The following GSK3B variants were observed in gnomAD, a reference collection of about 807,000 sequenced individuals.
The protein encoded by GSK3B is glycogen synthase kinase 3 beta, also known as glycogen synthase kinase-3 beta.
GSK3B carries 15 observed loss-of-function variants against 56.4 expected under a neutral mutation model. The observed-to-expected ratio is 0.27, with a 90% CI of 0.18 to 0.41. The LOEUF (loss-of-function observed/expected upper bound fraction) is 0.41. Ranked by LOEUF, GSK3B falls within the 10% of genes least tolerant of loss-of-function variation. The pLI, the probability that GSK3B is intolerant of heterozygous loss-of-function variation, is 1.00. For missense variants in GSK3B, 300 were observed against 513.4 expected (o/e 0.58, Z 4.02); for synonymous variants, 181 against 188.9 (o/e 0.96, Z 0.34).
intron 7 of GSK3B, among the ~76,000 whole-genome samples, chr3:119,884,212 G>A (rs1347012658): frequency 6.6e-6 from 1 of 152,152 alleles, no homozygotes; most frequent in Non-Finnish European, 1.5e-5. Context: ...TTAAACGACA[G>A]AGAAGTATCT....
intron 10 of GSK3B, among the ~76,000 whole-genome samples, chr3:119,834,531 A>C (rs2055658847): frequency 6.6e-6 from 1 of 152,162 alleles, no homozygotes; most frequent in Non-Finnish European, 1.5e-5. Context: ...GGCAGCTGAG[A>C]GGTCTCAGTT....
At chr3:119,987,420 A>C (rs1559865360) in intron 2 of GSK3B, among the ~76,000 whole-genome samples, 1 of 152,220 alleles carries the variant, frequency 6.6e-6, no homozygotes, top group African/African-American at 2.4e-5. Flanking sequence ...CTTTTCGTAA[A>C]AGGATTATAA....
chr3:120,013,573 A>C (rs2057797307), intron 1 of GSK3B, among the ~76,000 whole-genome samples: 1 of 152,220 alleles, frequency 6.6e-6, no homozygotes, highest in Non-Finnish European at 1.5e-5. Context: ...TCCACGTAGA[A>C]ATAACAGAAA....
chr3:119,930,726 A>C (rs1346328756), intron 3 of GSK3B, among the ~76,000 whole-genome samples: 1 of 152,234 alleles, frequency 6.6e-6, no homozygotes, highest in East Asian at 1.9e-4. Context: ...AACAGAACTC[A>C]AAAAGAAAAA....
At chr3:119,835,109 AT>A (rs1382862033) in intron 10 of GSK3B, among the ~76,000 whole-genome samples, 1 of 152,230 alleles carries the variant, frequency 6.6e-6, no homozygotes, top group African/African-American at 2.4e-5. Flanking sequence ...AAAGATGCAC[AT>A]ATTAATTGGC....
intron 8 of GSK3B, among the ~76,000 whole-genome samples, chr3:119,872,372 A>G (rs1690725981): frequency 6.6e-6 from 1 of 152,190 alleles, no homozygotes; most frequent in South Asian, 2.1e-4. Context: ...GTGAAGAGGC[A>G]AGCAATTAAT....
intron 2 of GSK3B, among the ~76,000 whole-genome samples, chr3:119,960,410 TA>T (rs904076839): frequency 4.2e-4 from 62 of 147,150 alleles, no homozygotes; most frequent in Admixed American, 2.0e-3. Flanking sequence ...ATGCATGTAA[TA>T]AAAAAAAAAT....
chr3:119,954,921 C>T (rs1032886779), intron 2 of GSK3B, among the ~76,000 whole-genome samples: 5 of 152,192 alleles, frequency 3.3e-5, no homozygotes, highest in East Asian at 3.9e-4. Context: ...AAACAACCAG[C>T]AAGCTTAATA....
chr3:120,011,878 T>A (rs2057781459), intron 1 of GSK3B, among the ~76,000 whole-genome samples: 1 of 152,242 alleles, frequency 6.6e-6, no homozygotes, highest in Non-Finnish European at 1.5e-5. Context: ...TAATTTATCA[T>A]AAAGCTTTAG....
At chr3:119,898,922 C>T (rs561050023) in intron 7 of GSK3B, among the ~76,000 whole-genome samples, 1 of 152,266 alleles carries the variant, frequency 6.6e-6, no homozygotes, top group South Asian at 2.1e-4. Flanking sequence ...TTGTACTACA[C>T]TTATCCTTCT....
At chr3:119,964,502 A>G (rs139912705) in intron 2 of GSK3B, among the ~76,000 whole-genome samples, 170 of 152,336 alleles carry the variant, frequency 1.1e-3, no homozygotes, top group African/African-American at 4.0e-3. Context: ...GCTAAGCAAA[A>G]TAAGTTAGTC....
intron 2 of GSK3B, among the ~76,000 whole-genome samples, chr3:119,959,681 AT>A (rs1056570720): frequency 1.5e-4 from 23 of 151,350 alleles, no homozygotes; most frequent in Non-Finnish European, 3.2e-4. Context: ...TGCCCAGCTA[AT>A]TTTTTTGTAT....
At chr3:120,007,790 G>C (rs1173445108) in intron 1 of GSK3B, among the ~76,000 whole-genome samples, 1 of 152,172 alleles carries the variant, frequency 6.6e-6, no homozygotes, top group Non-Finnish European at 1.5e-5. Flanking sequence ...AGCTATTTAT[G>C]ACAAACCAAC....
At chr3:119,913,322 T>C in intron 5 of GSK3B, among the ~76,000 whole-genome samples, 1 of 152,160 alleles carries the variant, frequency 6.6e-6, no homozygotes, top group East Asian at 1.9e-4. Context: ...TTGGTCAATT[T>C]ATTAACCACA....
At chr3:120,045,236 G>A (rs1030951536) in intron 1 of GSK3B, among the ~76,000 whole-genome samples, 3 of 152,146 alleles carry the variant, frequency 2.0e-5, no homozygotes, top group African/African-American at 7.2e-5. Flanking sequence ...TAAAAGCAGG[G>A]AACTGTAAGA....
chr3:120,048,669 G>T (rs1363741705), intron 1 of GSK3B, among the ~76,000 whole-genome samples: 1 of 152,136 alleles, frequency 6.6e-6, no homozygotes, highest in Non-Finnish European at 1.5e-5. Flanking sequence ...TGCTGCTACT[G>T]CTGCTACTAG....
At chr3:119,833,918 G>A (rs1482348873) in intron 10 of GSK3B, among the ~76,000 whole-genome samples, 7 of 151,722 alleles carry the variant, frequency 4.6e-5, no homozygotes, top group Admixed American at 2.6e-4. Flanking sequence ...GGCTGGTCTC[G>A]AACTCCTGGC....
intron 8 of GSK3B, among the ~76,000 whole-genome samples, chr3:119,872,691 G>A (rs1254694983): frequency 6.6e-6 from 1 of 152,172 alleles, no homozygotes; most frequent in Non-Finnish European, 1.5e-5. Context: ...CTCCATTGGA[G>A]TGCTACATCC....
At chr3:119,978,962 A>G (rs180750435) in intron 2 of GSK3B, among the ~76,000 whole-genome samples, 5 of 152,288 alleles carry the variant, frequency 3.3e-5, no homozygotes, top group Admixed American at 6.5e-5. Flanking sequence ...GGGGATGCCT[A>G]GAACAAAAAC....
Sources: gnomAD v4.1 joint callset for allele counts (sites outside exome capture counted in the v4.1 genomes callset) on GRCh38, gnomAD v4.1.1 for gene constraint, MANE v1.5 for transcripts, NCBI Gene and HGNC (gene_info 2026-07-23, HGNC 2026-07-21) for gene names.